Variants in GPC6 observed in about 807,000 individuals in gnomAD.
GPC6 encodes the protein glypican-6.
A neutral mutation model predicts 55.2 loss-of-function variants in GPC6; 14 were observed. The observed-to-expected ratio is 0.25, with a 90% confidence interval of 0.17 to 0.40. The LOEUF is 0.40. Among genes scored for constraint, GPC6 ranks in the 10% least tolerant of loss-of-function variants. The probability of loss-of-function intolerance (pLI) is 1.00; values close to 1 mark genes in which losing one functional copy is unlikely to be tolerated. For missense variants in GPC6, 641 were observed against 708.5 expected (o/e 0.90, Z 1.08); for synonymous variants, 278 against 259.6 (o/e 1.07, Z -0.68).
intron 2 of GPC6, among the ~76,000 whole-genome samples, chr13:93,632,597 G>A (rs9589800): frequency 4.4e-5 from 2 of 45,768 alleles, no homozygotes; most frequent in Non-Finnish European, 9.2e-5. Context: ...TCAAATATAT[G>A]TATATGTGTG....
rs144830155 is a variant in GPC6, at chr13:93,390,382, G to T, written c.161-154881G>T. ...TGCTGGTGAATGTCTATCACATTAT[G>T]ACTTTCTCCTTTTCTGTAATGGCAC... On this transcript the variant is annotated intron_variant, in intron 1 of 8. Transcript: ENST00000377047. 9.7e-4 allele frequency among the ~76,000 whole-genome samples: 148 copies of T among 152,226 alleles called. 1 individual carries two copies. The highest frequency in any genetic ancestry group is 3.1e-3 in the African/African-American group (128 of 41,536).
intron 1 of GPC6, among the ~76,000 whole-genome samples, chr13:93,544,727 G>T (rs1874684255): frequency 6.6e-6 from 1 of 152,124 alleles, no homozygotes; most frequent in Non-Finnish European, 1.5e-5. Flanking sequence ...AATGTTTTCT[G>T]TCTGACAAGA....
chr13:93,963,791 C>CA (rs1879896047), intron 3 of GPC6, among the ~76,000 whole-genome samples: 1 of 152,140 alleles, frequency 6.6e-6, no homozygotes, highest in Admixed American at 6.5e-5. Flanking sequence ...AGCTAATTTT[C>CA]AAACAGAATT....
intron 3 of GPC6, among the ~76,000 whole-genome samples, chr13:93,893,754 G>A (rs1056452433): frequency 5.3e-5 from 8 of 152,156 alleles, no homozygotes; most frequent in African/African-American, 1.9e-4. Context: ...GTCACTGGCT[G>A]TTTAATTTCC....
At chr13:93,374,298 G>A (rs913983612) in intron 1 of GPC6, among the ~76,000 whole-genome samples, 1 of 152,092 alleles carries the variant, frequency 6.6e-6, no homozygotes, top group African/African-American at 2.4e-5. Context: ...GGAGCAGGTG[G>A]GCAGAACCAA....
intron 5 of GPC6, among the ~76,000 whole-genome samples, chr13:94,294,390 T>G (rs1274756674): frequency 6.7e-6 from 1 of 150,172 alleles, no homozygotes; most frequent in African/African-American, 2.5e-5. Flanking sequence ...TTCAGGTACT[T>G]AATTTTCTCT....
intron 3 of GPC6, among the ~76,000 whole-genome samples, chr13:93,878,828 G>T (rs937719830): frequency 2.0e-5 from 3 of 152,076 alleles, no homozygotes; most frequent in Non-Finnish European, 4.4e-5. Context: ...AATTTCCATT[G>T]TTTATAAATT....
At chr13:93,575,603 C>G (rs1457134448) in intron 2 of GPC6, among the ~76,000 whole-genome samples, 1 of 152,076 alleles carries the variant, frequency 6.6e-6, no homozygotes, top group African/African-American at 2.4e-5. Context: ...AGTATTAGGC[C>G]TCTTTTATTT....
chr13:94,043,250 G>C (rs1387164586), intron 4 of GPC6, among the ~76,000 whole-genome samples: 1 of 151,814 alleles, frequency 6.6e-6, no homozygotes, highest in African/African-American at 2.4e-5. Context: ...CGTGCTCGAT[G>C]CTACTGGAGG....
chr13:94,374,347 T>C (rs1879734763), intron 6 of GPC6, among the ~76,000 whole-genome samples: 1 of 150,434 alleles, frequency 6.6e-6, no homozygotes. Flanking sequence ...CCACATAGGC[T>C]CAAAATAAAA....
intron 3 of GPC6, among the ~76,000 whole-genome samples, chr13:93,851,879 G>A (rs1166322884): frequency 6.6e-6 from 1 of 151,430 alleles, no homozygotes; most frequent in African/African-American, 2.4e-5. Flanking sequence ...CTTCAAAGTG[G>A]GGATAATAGG....
At chr13:93,952,423 T>C (rs1261680458) in intron 3 of GPC6, among the ~76,000 whole-genome samples, 1 of 152,112 alleles carries the variant, frequency 6.6e-6, no homozygotes, top group Non-Finnish European at 1.5e-5. Flanking sequence ...GTGAAAAATG[T>C]ATATAACTTC....
At chr13:94,397,051 T>C (rs1025899648) in intron 7 of GPC6, among the ~76,000 whole-genome samples, 4 of 152,138 alleles carry the variant, frequency 2.6e-5, no homozygotes, top group African/African-American at 7.2e-5. Context: ...CTGGTAGTTA[T>C]TGGACATTAG....
intron 2 of GPC6, among the ~76,000 whole-genome samples, chr13:93,594,556 C>T (rs912189491): frequency 2.0e-5 from 3 of 152,010 alleles, no homozygotes; most frequent in Admixed American, 1.3e-4. Context: ...TGTGTCTCTA[C>T]GCTTATGCAG....
intron 3 of GPC6, among the ~76,000 whole-genome samples, chr13:93,838,181 C>T (rs1887812877): frequency 6.6e-6 from 1 of 152,142 alleles, no homozygotes; most frequent in Non-Finnish European, 1.5e-5. Context: ...CAATGAATGG[C>T]ATTGTCCTTG....
intron 1 of GPC6, among the ~76,000 whole-genome samples, chr13:93,501,819 C>A (rs1238122748): frequency 1.3e-5 from 2 of 152,126 alleles, no homozygotes; most frequent in Non-Finnish European, 2.9e-5. Flanking sequence ...CATATCTTTA[C>A]AAATGTTTCA....
At chr13:93,819,823 T>G (rs1886982122) in intron 2 of GPC6, among the ~76,000 whole-genome samples, 1 of 152,210 alleles carries the variant, frequency 6.6e-6, no homozygotes, top group South Asian at 2.1e-4. Flanking sequence ...TCTTTCTTAC[T>G]TTAAAAGATA....
chr13:93,806,972 A>G (rs1396442319), intron 2 of GPC6, among the ~76,000 whole-genome samples: 3 of 152,180 alleles, frequency 2.0e-5, no homozygotes, highest in Non-Finnish European at 4.4e-5. Flanking sequence ...ATAAACCAAG[A>G]GATTAAACTT....
chr13:94,248,955 G>A (rs1341943754), intron 4 of GPC6, among the ~76,000 whole-genome samples: 1 of 152,052 alleles, frequency 6.6e-6, no homozygotes, highest in African/African-American at 2.4e-5. Context: ...TTTCAGGGTG[G>A]TTAGGAAAAT....
Sources: gnomAD v4.1 joint callset for allele counts (sites outside exome capture counted in the v4.1 genomes callset) on GRCh38, gnomAD v4.1.1 for gene constraint, MANE v1.5 for transcripts, NCBI Gene and HGNC (gene_info 2026-07-23, HGNC 2026-07-21) for gene names.